The following ADGRE1 variants were observed in gnomAD, a reference collection of about 807,000 sequenced individuals.
ADGRE1 encodes the protein EGF-like module receptor 1.
In ADGRE1, 82 loss-of-function variants were observed where a neutral mutation model predicts 102.7. The ratio of observed to expected loss-of-function variants is 0.80; its 90% CI spans 0.67 to 0.96. The LOEUF (loss-of-function observed/expected upper bound fraction) is 0.96. Among genes scored for constraint, ADGRE1 ranks in the 40% least tolerant of loss-of-function variants. The pLI, the probability that ADGRE1 is intolerant of heterozygous loss-of-function variation, is 0.00. For missense variants in ADGRE1, 1,032 were observed against 1,085.3 expected (o/e 0.95, Z 0.69); for synonymous variants, 398 against 399.6 (o/e 1.00, Z 0.05).
rs1973200473 is a variant in ADGRE1 at position 6,887,657 on chromosome 19, T to TG, written c.31+24dup. On this transcript the variant is annotated intron_variant, in intron 1 of 20. Coordinates refer to ENST00000312053, the MANE Select transcript of ADGRE1 (RefSeq NM_001974.5). Reference sequence around the variant, plus strand: ...CTTCTGGGGTGAGTGTGAGGCTGAATGGGGGGCTAGGGGAGGCCTGGATTG... The same window carrying TG: ...CTTCTGGGGTGAGTGTGAGGCTGAATGGGGGGGCTAGGGGAGGCCTGGATTG... The TG allele has an allele frequency of 1.9e-6, 3 of 1,607,584 alleles. No individual in the cohort carries two copies. The South Asian group carries it at 3.3e-5, about 18-fold the overall frequency.
In ADGRE1 at chr19:6,903,926, A is replaced by C; in HGVS notation, c.778A>C (p.Thr260Pro). ...FAPSNGQLNF[T>P]DQGVECRDID... The stretch of plus-strand genomic sequence containing the variant: ...ACCAAGCAATGGACAGTTGAATTTC[A>C]CAGACCAAGGAGTGGAATGTAGAGG... The change falls in exon 7 of 21, where the codon ACA (threonine) becomes CCA (proline). Residue 260 changes from threonine (T) to proline (P), a missense_variant. Transcript: ENST00000312053. The C allele has an allele frequency of 1.2e-6, 2 of 1,614,182 alleles. No individual in the cohort carries two copies. Among genetic ancestry groups the C allele is most frequent in the Non-Finnish European group, 1.7e-6 (2 of 1,180,034 alleles).
At chr19:6,916,401 G>A in intron 12 of ADGRE1, 33 bp downstream of exon 12, 7 of 1,597,122 alleles carry the variant, frequency 4.4e-6, no homozygotes, top group Non-Finnish European at 6.0e-6. Flanking sequence ...GCAGGTTATG[G>A]TGTATTCCAT....
intron 2 of ADGRE1, among the ~76,000 whole-genome samples, chr19:6,892,347 T>C (rs548986561): frequency 6.6e-6 from 1 of 152,282 alleles, no homozygotes; most frequent in East Asian, 1.9e-4. Context: ...TACTTTTTAG[T>C]TTTTCCATAC....
intron 5 of ADGRE1, among the ~76,000 whole-genome samples, chr19:6,899,245 G>C (rs188481407): frequency 5.3e-5 from 8 of 152,250 alleles, no homozygotes; most frequent in Admixed American, 2.0e-4. Context: ...TGTCTCAACC[G>C]GTGATGGTGG....
intron 10 of ADGRE1, among the ~76,000 whole-genome samples, chr19:6,909,354 C>T (rs1024167846): frequency 1.3e-5 from 2 of 152,244 alleles, no homozygotes; most frequent in Admixed American, 6.5e-5. Flanking sequence ...TTCCCTTGGG[C>T]TTCTCCTTTA....
At chr19:6,889,859 G>C (rs1276339186) in intron 1 of ADGRE1, among the ~76,000 whole-genome samples, 3 of 151,868 alleles carry the variant, frequency 2.0e-5, no homozygotes, top group Non-Finnish European at 4.4e-5. Flanking sequence ...AACCAAGTTT[G>C]GGTCCTTAGA....
At position 6,901,819 on chromosome 19, in the gene ADGRE1, C is replaced by G. The variant is rs2144907439; in HGVS notation, c.515-56C>G. 5 of 1,591,316 alleles carry G rather than the reference C, an allele frequency of 3.1e-6. No individual in the cohort carries two copies. In the East Asian group the frequency reaches 9.0e-5, roughly 29 times the overall value. Reference sequence around the variant, plus strand: ...TCAGAGTGCATCTCCTATTTGTAGTCTCTACTCCTTGCTTTCTCATTTACC... The same window carrying G: ...TCAGAGTGCATCTCCTATTTGTAGTGTCTACTCCTTGCTTTCTCATTTACC... On this transcript the variant is annotated intron_variant, in intron 5 of 20. Transcript: ENST00000312053.
At position 6,922,610 on chromosome 19, in the gene ADGRE1, TCTCACACACACACACA is replaced by T. The variant is rs1274753950; in HGVS notation, c.1791+729_1791+744del. 8.3e-5 allele frequency among the ~76,000 whole-genome samples: 10 copies of T among 120,000 alleles called. No individual in the cohort carries two copies. In the South Asian group the frequency reaches 1.4e-3, roughly 17 times the overall value. 78.7% of individuals were successfully genotyped at this position (120,000 alleles called of 152,430 possible). A position where few individuals can be genotyped will look rare whatever the true frequency, so the allele number is the denominator to read the frequency against. ...AGCCTGGCAACAGAGTGAGACTCTG[TCTCACACACACACACA>T]CACACACACACACACACACACACAC... On this transcript the variant is annotated intron_variant, in intron 14 of 20. Coordinates refer to ENST00000312053, the MANE Select transcript of ADGRE1 (RefSeq NM_001974.5).
rs1230009013 is a variant in ADGRE1 at position 6,921,795 on chromosome 19, T to G, written c.1703T>G (p.Val568Gly). Reference protein sequence around the residue: ...KGGRWTSFGCVILEASETYTI... With the variant: ...KGGRWTSFGCGILEASETYTI... ...GGAAGATGGACATCCTTTGGCTGTG[T>G]GATCCTGGAAGCTTCTGAGACATAT... Residue 568 changes from valine to glycine, a missense_variant, in exon 14 of 21, where the codon GTG (valine) becomes GGG (glycine). Coordinates refer to ENST00000312053, the MANE Select transcript of ADGRE1 (RefSeq NM_001974.5). 6.2e-7 allele frequency: 1 copy of G among 1,614,194 alleles called. No homozygotes were observed. The highest frequency in any genetic ancestry group is 2.2e-5 in the East Asian group (1 of 44,878).
Position 6,937,318 on chromosome 19 carries a change from A to T in ADGRE1, c.2457A>T (p.Gly819=). 1.9e-6 allele frequency: 3 copies of T among 1,613,800 alleles called. No homozygotes were observed. In the South Asian group the frequency reaches 3.3e-5, roughly 18 times the overall value. ...GGGTGCTGGGCATTTTTCAGATTGG[A>T]CCTGTGGCAGGTGTCATGGCTTACC... The part of the protein sequence containing the change: ...CSWVLGIFQI[G]PVAGVMAYLF... Residue 819 remains glycine (G), a synonymous_variant, in exon 19 of 21, where the codon GGA becomes GGT. Transcript: ENST00000312053.
intron 20 of ADGRE1, 80 bp downstream of exon 20, chr19:6,937,728 TG>T: frequency 7.3e-7 from 1 of 1,367,358 alleles, no homozygotes. Context: ...TGCCACGTGT[TG>T]GGTACTGAAT....
At chr19:6,926,221 C>A (rs1974899873) in intron 15 of ADGRE1, 145 bp from the exon 16 acceptor site, 16 of 854,268 alleles carry the variant, frequency 1.9e-5, no homozygotes, top group Non-Finnish European at 2.5e-5. Context: ...GGTCAAGAAC[C>A]ACTGCACCTC....
intron 17 of ADGRE1, among the ~76,000 whole-genome samples, chr19:6,932,774 C>A (rs999580827): frequency 6.6e-6 from 1 of 152,212 alleles, no homozygotes; most frequent in African/African-American, 2.4e-5. Flanking sequence ...CAACTTTCTA[C>A]TTCCTTGAAA....
rs149010826 is a variant in ADGRE1 at position 6,939,531 on chromosome 19, T to C, written c.2656-493T>C. Among the ~76,000 whole-genome samples, 1,231 of 152,278 alleles carry C rather than the reference T, an allele frequency of 8.1e-3. 18 individuals are homozygous for C. Among genetic ancestry groups the C allele is most frequent in the African/African-American group, 0.027 (1,105 of 41,544 alleles). The stretch of plus-strand genomic sequence containing the variant: ...TAAGAATCTGGGTTTTCCCCAGTTT[T>C]CCATTCCACCATCAACATGTTGACA... On this transcript the variant is annotated intron_variant, in intron 20 of 20. Coordinates refer to ENST00000312053, the MANE Select transcript of ADGRE1 (RefSeq NM_001974.5).
At chr19:6,923,498 A>G (rs572488496) in intron 14 of ADGRE1, among the ~76,000 whole-genome samples, 12 of 152,124 alleles carry the variant, frequency 7.9e-5, no homozygotes, top group Non-Finnish European at 1.5e-4. Context: ...CCAAAATCAC[A>G]CAACTAGAAA....
rs1030319910 is a variant in ADGRE1 at position 6,924,629 on chromosome 19, G to A, written c.1792-49G>A. The A allele has an allele frequency of 3.2e-6, 5 of 1,555,544 alleles. No homozygotes were observed. In the African/African-American group the frequency reaches 5.4e-5, roughly 17 times the overall value. ...TAGATAACTCTTCTTCCCGCCTGGG[G>A]GGATTTTGATCCCATTCTCAGGCCA... On this transcript the variant is annotated intron_variant, in intron 14 of 20. Transcript: ENST00000312053.
chr19:6,887,579 C>G lies in ADGRE1; in HGVS notation c.-30C>G. The G allele has an allele frequency of 6.2e-7, 1 of 1,610,906 alleles. No individual in the cohort carries two copies. Among genetic ancestry groups the G allele is most frequent in the African/African-American group, 1.3e-5 (1 of 74,778 alleles). ...AAACCCAGCGTTAGTAGAAAAGTTT[C>G]TTTTCTTTGAATGACAGAACTACAG... On this transcript the variant is annotated 5_prime_UTR_variant, in exon 1 of 21. Coordinates refer to ENST00000312053, the MANE Select transcript of ADGRE1 (RefSeq NM_001974.5).
intron 2 of ADGRE1, among the ~76,000 whole-genome samples, chr19:6,891,899 C>A (rs565972440): frequency 6.6e-6 from 1 of 151,942 alleles, no homozygotes; most frequent in Non-Finnish European, 1.5e-5. Flanking sequence ...GTGGCCAGAA[C>A]GGTGGGTGCA....
chr19:6,937,405 C>T lies in ADGRE1; in HGVS notation c.2544C>T (p.Asn848=), dbSNP rs147127615. 6.6e-4 allele frequency: 1,063 copies of T among 1,613,336 alleles called. 2 individuals carry two copies. The highest frequency in any genetic ancestry group is 7.4e-4 in the Non-Finnish European group (874 of 1,179,848). Residue 848 remains asparagine (N), a synonymous_variant, in exon 19 of 21, where the codon AAC becomes AAT. Coordinates refer to ENST00000312053, the MANE Select transcript of ADGRE1 (RefSeq NM_001974.5). ...TCTTCCTCATCCACTGTCTGCTCAA[C>T]GGCCAGGTGTGTAGCTGCTGCCCTC... The part of the protein sequence containing the change: ...AFIFLIHCLL[N]GQVREEYKRW...
Sources: gnomAD v4.1 joint callset for allele counts (sites outside exome capture counted in the v4.1 genomes callset) on GRCh38, gnomAD v4.1.1 for gene constraint, MANE v1.5 for transcripts, NCBI Gene and HGNC (gene_info 2026-07-23, HGNC 2026-07-21) for gene names.